ESR1: variants seen among roughly 807,000 people sequenced by gnomAD.
ESR1 encodes the protein estrogen receptor 1, also known as estrogen receptor.
ESR1 carries 12 observed loss-of-function variants against 52.7 expected under a neutral mutation model. The ratio of observed to expected loss-of-function variants is 0.23; its 90% CI spans 0.15 to 0.37. The LOEUF (loss-of-function observed/expected upper bound fraction) is 0.37. Ranked by LOEUF, ESR1 falls within the 10% of genes least tolerant of loss-of-function variation. ESR1 has a pLI of 1.00. For missense variants in ESR1, 584 were observed against 779.7 expected (o/e 0.75, Z 2.99); for synonymous variants, 305 against 316.8 (o/e 0.96, Z 0.39).
chr6:151,749,343 CAT>C (rs146602191), intron 2 of ESR1, among the ~76,000 whole-genome samples: 2,941 of 152,284 alleles, frequency 0.019, 37 homozygotes, highest in East Asian at 0.032. Flanking sequence ...GGTTTTGACA[CAT>C]GTGTGCATTG....
chr6:151,761,260 C>A (rs2128096550), intron 2 of ESR1, among the ~76,000 whole-genome samples: 1 of 151,356 alleles, frequency 6.6e-6, no homozygotes, highest in East Asian at 1.9e-4. Context: ...TTTAATACTT[C>A]TTTTTCATAT....
At chr6:151,861,651 G>A (rs1364522008) in intron 2 of ESR1, among the ~76,000 whole-genome samples, 2 of 152,172 alleles carry the variant, frequency 1.3e-5, no homozygotes, top group Admixed American at 6.6e-5. Flanking sequence ...CTCAGGAAGA[G>A]GCATGTTATG....
intron 3 of ESR1, chr6:151,936,328 G>A (rs1464594135): frequency 6.6e-6 from 1 of 152,220 alleles, no homozygotes; most frequent in Non-Finnish European, 1.5e-5. Flanking sequence ...TGTAGGAGAA[G>A]TTGGGGGGTG....
At chr6:151,864,796 G>C (rs1327645951) in intron 2 of ESR1, among the ~76,000 whole-genome samples, 1 of 152,078 alleles carries the variant, frequency 6.6e-6, no homozygotes, top group African/African-American at 2.4e-5. Flanking sequence ...TAGGGACATG[G>C]ATGAAGCTGG....
At chr6:151,874,813 C>T (rs1370157638) in intron 2 of ESR1, among the ~76,000 whole-genome samples, 2 of 152,046 alleles carry the variant, frequency 1.3e-5, no homozygotes, top group African/African-American at 4.8e-5. Flanking sequence ...TAAAGTGTTT[C>T]CTGGTGATGG....
Position 152,061,735 on chromosome 6 carries a change from T to G in ESR1, c.1369+611T>G, listed in dbSNP as rs1329385657. Among the ~76,000 whole-genome samples, 4 of 150,816 alleles carry G rather than the reference T, an allele frequency of 2.7e-5. No homozygotes were observed. The highest frequency in any genetic ancestry group is 4.4e-5 in the Non-Finnish European group (3 of 67,962). ...AAGCTTAGCTAAGAGCAACATCTGT[T>G]TTTTGTTTTTGTTTTTGTTTTTGTT... On this transcript the variant is annotated intron_variant, in intron 6 of 7. Transcript: ENST00000206249. The surrounding 1 kb of genome is among the most constrained non-coding windows in gnomAD (Gnocchi z 4.3).
At chr6:152,011,584 C>G (rs548406983) in intron 4 of ESR1, 72 bp from the exon 5 acceptor site, 2 of 1,566,454 alleles carry the variant, frequency 1.3e-6, no homozygotes, top group South Asian at 2.2e-5. Context: ...GTTCAAATCC[C>G]TGTTGCATTA....
At chr6:151,714,233 G>T (rs1385525917) in intron 2 of ESR1, among the ~76,000 whole-genome samples, 1 of 152,150 alleles carries the variant, frequency 6.6e-6, no homozygotes, top group African/African-American at 2.4e-5. Flanking sequence ...TTTTGCATTT[G>T]CTGAGGAGTG....
chr6:151,711,422 T>C (rs2127999393), intron 2 of ESR1, among the ~76,000 whole-genome samples: 1 of 152,116 alleles, frequency 6.6e-6, no homozygotes, highest in African/African-American at 2.4e-5. Flanking sequence ...GGGGTTTCAC[T>C]GTGTTAGCCA....
chr6:152,029,684 T>C (rs1421642735), intron 5 of ESR1, among the ~76,000 whole-genome samples: 10 of 152,100 alleles, frequency 6.6e-5, no homozygotes, highest in Non-Finnish European at 1.2e-4. Context: ...CTGAAAGTGA[T>C]GGGGAGAATG....
At chr6:151,749,137 C>A (rs1466610596) in intron 2 of ESR1, among the ~76,000 whole-genome samples, 1 of 143,398 alleles carries the variant, frequency 7.0e-6, no homozygotes, top group Non-Finnish European at 1.5e-5. Context: ...ATAGGCTAAG[C>A]TACTGTGAAA....
intron 1 of ESR1, among the ~76,000 whole-genome samples, chr6:151,831,313 A>T (rs1782372469): frequency 6.6e-6 from 1 of 151,652 alleles, no homozygotes; most frequent in Non-Finnish European, 1.5e-5. Context: ...CTAATGTTTA[A>T]ATTTTTTGTA....
intron 3 of ESR1, among the ~76,000 whole-genome samples, chr6:151,884,729 T>G (rs1793563167): frequency 1.3e-5 from 2 of 152,238 alleles, no homozygotes. Flanking sequence ...TGAATTGCAC[T>G]TTCGGGAATG....
At chr6:151,866,994 T>C (rs1790032999) in intron 2 of ESR1, among the ~76,000 whole-genome samples, 1 of 152,102 alleles carries the variant, frequency 6.6e-6, no homozygotes, top group African/African-American at 2.4e-5. Flanking sequence ...TTGATAAACC[T>C]GACAAAACAA....
chr6:151,963,666 C>A (rs938134175), intron 4 of ESR1, among the ~76,000 whole-genome samples: 4 of 152,142 alleles, frequency 2.6e-5, no homozygotes, highest in African/African-American at 4.8e-5. Flanking sequence ...CTTTGCTGTG[C>A]GGAAAGCTTT....
chr6:152,043,783 C>T (rs772457545), intron 5 of ESR1, among the ~76,000 whole-genome samples: 2 of 152,292 alleles, frequency 1.3e-5, no homozygotes, highest in Non-Finnish European at 2.9e-5. Context: ...TATCAGGGTC[C>T]TCCCGCATGG....
chr6:151,807,791 G>A lies in ESR1; in HGVS notation c.-122G>A. 1.0e-6 allele frequency: 1 copy of A among 955,222 alleles called. No homozygotes were observed. Among genetic ancestry groups the A allele is most frequent in the Non-Finnish European group, 1.6e-6 (1 of 616,896 alleles). 59.2% of individuals were successfully genotyped at this position (955,222 alleles called of 1,614,324 possible). A position where few individuals can be genotyped will look rare whatever the true frequency, so the allele number is the denominator to read the frequency against. The stretch of plus-strand genomic sequence containing the variant: ...GGGCCGGGGCCAGAGCTCGCGTGTC[G>A]GCGGGACATGCGCTGCGTCGCCTCT... On this transcript the variant is annotated 5_prime_UTR_variant, in exon 1 of 8. Coordinates refer to ENST00000206249, the MANE Select transcript of ESR1 (RefSeq NM_000125.4).
chr6:151,803,605 A>T (rs1480652791), upstream of ESR1, among the ~76,000 whole-genome samples: 4 of 152,158 alleles, frequency 2.6e-5, no homozygotes, highest in East Asian at 7.7e-4. Flanking sequence ...AGTAAAAAAA[A>T]ATCCAAGAAA....
intron 3 of ESR1, among the ~76,000 whole-genome samples, chr6:151,884,701 T>C (rs1214576968): frequency 1.3e-5 from 2 of 152,230 alleles, no homozygotes; most frequent in African/African-American, 4.8e-5. Context: ...TCATGGTAGT[T>C]CTATAAGATG....
Sources: gnomAD v4.1 joint callset for allele counts (sites outside exome capture counted in the v4.1 genomes callset) on GRCh38, gnomAD v4.1.1 for gene constraint, Gnocchi (gnomAD v3.1) non-coding constraint, MANE v1.5 for transcripts, NCBI Gene and HGNC (gene_info 2026-07-23, HGNC 2026-07-21) for gene names.